The following FGF14 variants were observed in gnomAD, a reference collection of about 807,000 sequenced individuals.
FGF14 encodes fibroblast growth factor 14, also known as fibroblast growth factor homologous factor 4.
FGF14 carries 5 observed loss-of-function variants against 25.5 expected under a neutral mutation model. The observed-to-expected ratio is 0.20, with a 90% CI of 0.10 to 0.41. The LOEUF (loss-of-function observed/expected upper bound fraction) is 0.41, where lower values mean the gene tolerates loss of function less well. Among genes scored for constraint, FGF14 ranks in the 10% least tolerant of loss-of-function variants. The pLI is 1.00. For synonymous variants in FGF14, 138 were observed against 118.3 expected (o/e 1.17, Z -1.08); for missense variants, 222 against 320.1 (o/e 0.69, Z 2.34).
intron 2 of FGF14, among the ~76,000 whole-genome samples, chr13:101,870,335 G>A (rs1212880708): frequency 6.6e-6 from 1 of 151,846 alleles, no homozygotes; most frequent in African/African-American, 2.4e-5. Flanking sequence ...TTGAAAGAAT[G>A]GGCACCATAG....
At chr13:102,072,106 C>T (rs540372158) in intron 1 of FGF14, among the ~76,000 whole-genome samples, 13 of 152,084 alleles carry the variant, frequency 8.5e-5, no homozygotes, top group South Asian at 2.1e-4. Context: ...CAAGTAAATA[C>T]GGTATTTGTG....
At chr13:101,873,384 C>T (rs2045218926) in intron 2 of FGF14, among the ~76,000 whole-genome samples, 1 of 152,170 alleles carries the variant, frequency 6.6e-6, no homozygotes, top group Middle Eastern at 3.4e-3. Context: ...ATTTATGAAG[C>T]TATGGTGTAT....
chr13:101,726,831 A>G (rs111758369), intron 3 of FGF14, 21 bp from the exon 4 acceptor site: 5 of 1,564,284 alleles, frequency 3.2e-6, no homozygotes, highest in Non-Finnish European at 4.4e-6. Flanking sequence ...AAAATGAAAC[A>G]AAAGTTAGAG....
chr13:102,301,914 A>T (rs1173885727), intron 1 of FGF14, among the ~76,000 whole-genome samples: 4 of 151,866 alleles, frequency 2.6e-5, no homozygotes, highest in African/African-American at 9.7e-5. Context: ...TGAGAAAGAA[A>T]GGAAGTGTCA....
chr13:102,292,293 A>AC (rs2054456904), intron 1 of FGF14: 1 of 151,106 alleles, frequency 6.6e-6, no homozygotes, highest in African/African-American at 2.4e-5. Context: ...AAAAAAAAAA[A>AC]AAAAAAAAAA....
Position 101,886,670 on chromosome 13 carries a change from G to A in FGF14, c.194-11374C>T, listed in dbSNP as rs549120141. On this transcript the variant is annotated intron_variant, in intron 1 of 4. Coordinates refer to ENST00000376143, the MANE Select transcript of FGF14 (RefSeq NM_004115.4). ...TGGGGTTAAGACCTCAAAAGTGTAA[G>A]CAAGAAAAGCAAATATAGATAAATG... 2.3e-3 allele frequency among the ~76,000 whole-genome samples: 357 copies of A among 152,206 alleles called. 1 individual carries two copies. The highest frequency in any genetic ancestry group is 4.3e-3 in the Non-Finnish European group (290 of 67,980).
chr13:101,933,985 T>C (rs2034937422), intron 1 of FGF14, among the ~76,000 whole-genome samples: 1 of 152,184 alleles, frequency 6.6e-6, no homozygotes, highest in South Asian at 2.1e-4. Context: ...TTTAACACAA[T>C]TTCTTTTGGA....
chr13:102,302,038 T>G (rs56278715), intron 1 of FGF14, among the ~76,000 whole-genome samples: 5,068 of 152,182 alleles, frequency 0.033, 283 homozygotes, highest in African/African-American at 0.11. Flanking sequence ...AGATAGGGCC[T>G]CCTCCTCCAC....
At chr13:102,206,277 C>T (rs962680074) in intron 1 of FGF14, among the ~76,000 whole-genome samples, 5 of 151,978 alleles carry the variant, frequency 3.3e-5, no homozygotes, top group Admixed American at 2.6e-4. Flanking sequence ...ACATCCTCTC[C>T]GGTTTCCTAG....
chr13:101,849,433 G>A (rs182322984), intron 3 of FGF14, among the ~76,000 whole-genome samples: 83 of 152,168 alleles, frequency 5.5e-4, no homozygotes, highest in African/African-American at 1.9e-3. Flanking sequence ...GCAGCCGCTT[G>A]TGCACAAAAA....
chr13:101,872,856 C>A (rs987771515), intron 2 of FGF14, among the ~76,000 whole-genome samples: 2 of 151,996 alleles, frequency 1.3e-5, no homozygotes, highest in African/African-American at 4.8e-5. Flanking sequence ...GAACTTTGCA[C>A]AGGAATTTGA....
chr13:101,740,059 G>A (rs377193505), intron 3 of FGF14, among the ~76,000 whole-genome samples: 6 of 152,230 alleles, frequency 3.9e-5, no homozygotes, highest in African/African-American at 1.2e-4. Flanking sequence ...CCCCTGTCAC[G>A]TATCCCCTAG....
chr13:101,797,988 G>T lies in FGF14; in HGVS notation c.408+70737C>A, dbSNP rs193278545. Among the ~76,000 whole-genome samples, 226 of 152,174 alleles carry T rather than the reference G, an allele frequency of 1.5e-3. 3 individuals carry two copies. The highest frequency in any genetic ancestry group is 5.2e-3 in the African/African-American group (215 of 41,534). On this transcript the variant is annotated intron_variant, in intron 3 of 4. Transcript: ENST00000376143. ...TATTTATCAGTAAATGGTAAGATTT[G>T]AAAGTTACGAAAGTACTTGCTAACG...
upstream of FGF14, among the ~76,000 whole-genome samples, chr13:101,919,791 G>A (rs1296400279): frequency 1.3e-5 from 2 of 152,108 alleles, no homozygotes; most frequent in African/African-American, 4.8e-5. Context: ...AGCTTCTACC[G>A]ACGTTAATAA....
chr13:102,115,111 G>T (rs968132330), intron 1 of FGF14, among the ~76,000 whole-genome samples: 2 of 152,076 alleles, frequency 1.3e-5, no homozygotes, highest in Non-Finnish European at 2.9e-5. Flanking sequence ...TGATTTAGAG[G>T]GCTGCTTCTT....
intron 3 of FGF14, among the ~76,000 whole-genome samples, chr13:101,797,815 C>T (rs569582872): frequency 6.9e-6 from 1 of 145,428 alleles, no homozygotes; most frequent in Non-Finnish European, 1.5e-5. Context: ...TGGTTAGAGT[C>T]AATAAGAAAA....
intron 3 of FGF14, among the ~76,000 whole-genome samples, chr13:101,729,374 C>A (rs1389191254): frequency 6.6e-6 from 1 of 152,062 alleles, no homozygotes; most frequent in Admixed American, 6.6e-5. Context: ...TCCTATAGAA[C>A]CGATAGAACC....
intron 3 of FGF14, among the ~76,000 whole-genome samples, chr13:101,752,775 C>G (rs2037374463): frequency 6.6e-6 from 1 of 152,126 alleles, no homozygotes; most frequent in South Asian, 2.1e-4. Context: ...AATGGTTGCT[C>G]TAGCTCCAAA....
At chr13:102,332,884 C>T (rs2056676051) in intron 1 of FGF14, among the ~76,000 whole-genome samples, 1 of 152,098 alleles carries the variant, frequency 6.6e-6, no homozygotes, top group Admixed American at 6.6e-5. Context: ...CAATAAATAG[C>T]TCAGTTACAA....
Sources: gnomAD v4.1 joint callset for allele counts (sites outside exome capture counted in the v4.1 genomes callset) on GRCh38, gnomAD v4.1.1 for gene constraint, MANE v1.5 for transcripts, NCBI Gene and HGNC (gene_info 2026-07-23, HGNC 2026-07-21) for gene names.